PLEKHA6: variants seen among roughly 807,000 people sequenced by gnomAD.
PLEKHA6 encodes pleckstrin homology domain-containing family A member 6.
PLEKHA6 carries 60 observed loss-of-function variants against 116.7 expected under a neutral mutation model. The observed-to-expected ratio is 0.51, with a 90% CI of 0.42 to 0.64. PLEKHA6 has a LOEUF of 0.64. Ranked by LOEUF, PLEKHA6 falls within the 30% of genes least tolerant of loss-of-function variation. The probability of loss-of-function intolerance (pLI) is 0.00; values close to 1 mark genes in which losing one functional copy is unlikely to be tolerated. For synonymous variants in PLEKHA6, 489 were observed against 556.1 expected, an observed-to-expected ratio of 0.88 and a Z score of 1.70; for missense variants, 1,338 against 1,422.7, an observed-to-expected ratio of 0.94 and a Z score of 0.96.
chr1:204,241,516 G>A, intron 16 of PLEKHA6, 35 bp from the exon 17 acceptor site: 1 of 1,487,832 alleles, frequency 6.7e-7, no homozygotes, highest in Non-Finnish European at 9.1e-7. Flanking sequence ...GGGCCTCATG[G>A]AGAGCAGGAA....
intron 9 of PLEKHA6, chr1:204,256,672 G>A (rs966541743): frequency 2.3e-6 from 1 of 429,028 alleles, no homozygotes; most frequent in East Asian, 3.5e-5. Context: ...GTATCCAGAG[G>A]CTGCTAAAAA....
chr1:204,306,957 C>T (rs1671369913), intron 1 of PLEKHA6, among the ~76,000 whole-genome samples: 1 of 152,190 alleles, frequency 6.6e-6, no homozygotes, highest in African/African-American at 2.4e-5. Flanking sequence ...CAGCCCCCTA[C>T]CCCCAAGGGA....
intron 1 of PLEKHA6, among the ~76,000 whole-genome samples, chr1:204,312,296 G>C (rs998583081): frequency 6.6e-6 from 1 of 152,222 alleles, no homozygotes; most frequent in Admixed American, 6.5e-5. Context: ...AAGCATGGGA[G>C]AGATAAACGG....
chr1:204,355,455 T>C (rs1342151458), intron 1 of PLEKHA6, among the ~76,000 whole-genome samples: 1 of 152,172 alleles, frequency 6.6e-6, no homozygotes, highest in Non-Finnish European at 1.5e-5. Context: ...GTTTGTTTGT[T>C]TTGAGACAGA....
intron 1 of PLEKHA6, among the ~76,000 whole-genome samples, chr1:204,353,258 T>A (rs1298324441): frequency 6.6e-6 from 1 of 152,152 alleles, no homozygotes; most frequent in Non-Finnish European, 1.5e-5. Context: ...CTTGAAGAAG[T>A]ACAGTGGAGT....
At chr1:204,224,015 A>G (rs145169487) in intron 21 of PLEKHA6, among the ~76,000 whole-genome samples, 30 of 152,324 alleles carry the variant, frequency 2.0e-4, no homozygotes, top group Non-Finnish European at 4.1e-4. Flanking sequence ...ATCTGGCCCC[A>G]TTTAATGAAC....
rs897681873 is a variant in PLEKHA6 at position 204,230,352 on chromosome 1, G to A, written c.2583+61C>T. ...CCCAGGCCCAAGCTGGCCATGCCCT[G>A]GGAGTGGGCAGTGTTGGCAGATGCC... On this transcript the variant is annotated intron_variant, in intron 18 of 22. Transcript: ENST00000272203. The A allele has an allele frequency of 3.7e-6, 5 of 1,345,934 alleles. No individual in the cohort carries two copies. In the South Asian group the frequency reaches 4.4e-5, roughly 12 times the overall value. 83.4% of individuals were successfully genotyped at this position (1,345,934 alleles called of 1,614,324 possible). A position where few individuals can be genotyped will look rare whatever the true frequency, so the allele number is the denominator to read the frequency against.
chr1:204,275,060 G>A (rs1208407930), intron 1 of PLEKHA6: 1 of 399,054 alleles, frequency 2.5e-6, no homozygotes, highest in Non-Finnish European at 3.4e-6. Context: ...AGAGTTCTCT[G>A]AGGCTGGAAA....
At chr1:204,351,181 A>G (rs1202956332) in intron 1 of PLEKHA6, among the ~76,000 whole-genome samples, 1 of 147,188 alleles carries the variant, frequency 6.8e-6, no homozygotes, top group Non-Finnish European at 1.5e-5. Context: ...GGACTGGCCC[A>G]GGCAGGGGGA....
At chr1:204,360,244 G>C (rs1673528617), upstream of PLEKHA6, among the ~76,000 whole-genome samples, 1 of 151,628 alleles carries the variant, frequency 6.6e-6, no homozygotes, top group Non-Finnish European at 1.5e-5. Context: ...AACTGCCCAG[G>C]GTCTTAGAAT....
chr1:204,337,400 A>C (rs1455310238), intron 1 of PLEKHA6, among the ~76,000 whole-genome samples: 1 of 152,178 alleles, frequency 6.6e-6, no homozygotes. Context: ...CCTTCTTACT[A>C]GCCTACATCC....
intron 1 of PLEKHA6, among the ~76,000 whole-genome samples, chr1:204,374,579 C>T (rs1210857668): frequency 6.6e-6 from 1 of 152,186 alleles, no homozygotes; most frequent in Non-Finnish European, 1.5e-5. Flanking sequence ...AGGCTAATCT[C>T]TCTGCCTGGG....
chr1:204,333,984 G>A lies in PLEKHA6; in HGVS notation c.-95+25710C>T, dbSNP rs564757332. 3.9e-5 allele frequency among the ~76,000 whole-genome samples: 6 copies of A among 152,326 alleles called. No individual in the cohort carries two copies. The South Asian group carries it at 1.2e-3, about 32-fold the overall frequency. On this transcript the variant is annotated intron_variant, in intron 1 of 22. Coordinates refer to ENST00000272203, the MANE Select transcript of PLEKHA6 (RefSeq NM_014935.5). ...GTCCCTCTGAGGTTGGGAGCTCTGA[G>A]GAGGCCTAGCCTTGCACTATTTGTC...
intron 1 of PLEKHA6, among the ~76,000 whole-genome samples, chr1:204,342,917 A>G (rs1221618878): frequency 1.3e-5 from 2 of 152,246 alleles, no homozygotes; most frequent in Non-Finnish European, 2.9e-5. Context: ...GTGGGTCAAG[A>G]GATTTTCCAA....
chr1:204,273,750 A>G lies in PLEKHA6; in HGVS notation c.-13-10T>C. On this transcript the variant is annotated splice_polypyrimidine_tract_variant and intron_variant, in intron 2 of 22. Transcript: ENST00000272203. ...CATGTCCAAGGTCGATCTGATTTCA[A>G]GTCGACCAGAGAAAAGAGATTGGTG... 6.4e-7 allele frequency: 1 copy of G among 1,571,698 alleles called. No homozygotes were observed. Among genetic ancestry groups the G allele is most frequent in the Non-Finnish European group, 8.8e-7 (1 of 1,141,388 alleles).
At chr1:204,336,746 A>T (rs1312986088) in intron 1 of PLEKHA6, among the ~76,000 whole-genome samples, 3 of 152,240 alleles carry the variant, frequency 2.0e-5, no homozygotes, top group Admixed American at 1.3e-4. Context: ...GGATGCAGGA[A>T]ATGCTTTTCC....
intron 1 of PLEKHA6, among the ~76,000 whole-genome samples, chr1:204,352,989 A>G (rs1018587359): frequency 8.5e-5 from 13 of 152,208 alleles, no homozygotes; most frequent in African/African-American, 3.1e-4. Flanking sequence ...CATCTCAAAA[A>G]TAAATAAATC....
At chr1:204,341,701 G>A (rs975850825) in intron 1 of PLEKHA6, among the ~76,000 whole-genome samples, 4 of 152,182 alleles carry the variant, frequency 2.6e-5, no homozygotes, top group Non-Finnish European at 2.9e-5. Flanking sequence ...CTAACACAGT[G>A]ATGGCAGAAT....
chr1:204,251,901 A>G (rs1297942447), intron 9 of PLEKHA6, among the ~76,000 whole-genome samples: 1 of 151,982 alleles, frequency 6.6e-6, no homozygotes, highest in Non-Finnish European at 1.5e-5. Context: ...CTGTTGTCCC[A>G]TCCGCACTGG....
Sources: gnomAD v4.1 joint callset for allele counts (sites outside exome capture counted in the v4.1 genomes callset) on GRCh38, gnomAD v4.1.1 for gene constraint, MANE v1.5 for transcripts, NCBI Gene and HGNC (gene_info 2026-07-23, HGNC 2026-07-21) for gene names.